Variants in ZNF681 observed in about 807,000 individuals in gnomAD.
ZNF681 encodes hypothetical protein FLJ31526.
ZNF681 carries 37 observed loss-of-function variants against 56.0 expected under a neutral mutation model. That is an observed-to-expected ratio of 0.66 (90% CI 0.51 to 0.87). The LOEUF (loss-of-function observed/expected upper bound fraction) is 0.87, where lower values mean the gene tolerates loss of function less well. ZNF681 is among the 40% of genes least tolerant of loss of function. The pLI is 0.00. For missense variants in ZNF681, 741 were observed against 744.9 expected, an observed-to-expected ratio of 0.99 and a Z score of 0.06; for synonymous variants, 225 against 248.6, an observed-to-expected ratio of 0.91 and a Z score of 0.89.
rs572362306 is a variant in ZNF681, at chr19:23,744,453, T to G, written c.1097A>C (p.Tyr366Ser). Residue 366 changes from tyrosine to serine, a missense_variant, in exon 4 of 4, where the codon TAC (tyrosine) becomes TCC (serine). Coordinates refer to ENST00000402377, the MANE Select transcript of ZNF681 (RefSeq NM_138286.3). Reference sequence around the variant, plus strand: ...GGCTTTGCCACATTCTTCACATCTGTAGGGCTTCTCTCCAGTATGAATTAT... The same window carrying G: ...GGCTTTGCCACATTCTTCACATCTGGAGGGCTTCTCTCCAGTATGAATTAT... Reference protein sequence around the residue: ...HKIIHTGEKPYRCEECGKAFR... With the variant: ...HKIIHTGEKPSRCEECGKAFR... 11 of 1,578,344 alleles carry G rather than the reference T, an allele frequency of 7.0e-6. No homozygotes were observed. The Admixed American group carries it at 1.6e-4, about 23-fold the overall frequency.
At chr19:23,745,727 A>G (rs1291644901) in intron 3 of ZNF681, among the ~76,000 whole-genome samples, 1 of 152,152 alleles carries the variant, frequency 6.6e-6, no homozygotes, top group Non-Finnish European at 1.5e-5. Flanking sequence ...CTGGGATTAC[A>G]GGCATGAGCC....
At chr19:23,751,611 G>A (rs979630686) in intron 3 of ZNF681, among the ~76,000 whole-genome samples, 3 of 151,738 alleles carry the variant, frequency 2.0e-5, no homozygotes, top group South Asian at 2.1e-4. Flanking sequence ...GAAATGGAGT[G>A]TAATCATAAA....
chr19:23,744,539 G>A lies in ZNF681; in HGVS notation c.1011C>T (p.Pro337=), dbSNP rs1424356301. The A allele has an allele frequency of 1.2e-6, 2 of 1,612,930 alleles. No homozygotes were observed. The highest frequency in any genetic ancestry group is 2.2e-5 in the South Asian group (2 of 90,968). The change falls in exon 4 of 4, where the codon CCC becomes CCT. Residue 337 remains proline (P), a synonymous_variant. Transcript: ENST00000402377. ...RHKIIHTGEK[P]YKCEECGKAF... Reference sequence around the variant, plus strand: ...CTTTGCCACATTCTTCACATTTGTAGGGTTTCTCTCCAGTATGAATTATCT... The same window carrying A: ...CTTTGCCACATTCTTCACATTTGTAAGGTTTCTCTCCAGTATGAATTATCT...
At position 23,740,677 on chromosome 19, in the gene ZNF681, T is replaced by C. The variant is rs957720661; in HGVS notation, c.*2935A>G. On this transcript the variant is annotated 3_prime_UTR_variant, in exon 4 of 4. Coordinates refer to ENST00000402377, the MANE Select transcript of ZNF681 (RefSeq NM_138286.3). ...TACTCACCTAAATAAATGGGCTCAATCAATATTTACTTATTTTCATTATAA... is the reference window on the plus strand; with the variant it reads ...TACTCACCTAAATAAATGGGCTCAACCAATATTTACTTATTTTCATTATAA... 6.6e-6 allele frequency: 1 copy of C among 152,056 alleles called. No individual in the cohort carries two copies. Among genetic ancestry groups the C allele is most frequent in the Non-Finnish European group, 1.5e-5 (1 of 68,010 alleles). The allele number at this position is 152,056 out of a possible 1,614,324, so 9.4% of individuals were successfully genotyped here. A position where few individuals can be genotyped will look rare whatever the true frequency, so the allele number is the denominator to read the frequency against.
intron 3 of ZNF681, among the ~76,000 whole-genome samples, chr19:23,748,591 C>T (rs1169239251): frequency 6.6e-6 from 1 of 152,080 alleles, no homozygotes; most frequent in Non-Finnish European, 1.5e-5. Context: ...GCCCCCTGAC[C>T]CCTTCTTCCA....
chr19:23,758,822 C>A lies in ZNF681; in HGVS notation c.-73G>T, dbSNP rs910841174. On this transcript the variant is annotated 5_prime_UTR_variant, in exon 1 of 4. Transcript: ENST00000402377. The stretch of plus-strand genomic sequence containing the variant: ...CCTGCAGGTCAGAGGGCCATAGAGG[C>A]TGGGCCTCTAGAAGAAGAGGACACA... 7 of 1,603,372 alleles carry A rather than the reference C, an allele frequency of 4.4e-6. No homozygotes were observed. The highest frequency in any genetic ancestry group is 6.0e-6 in the Non-Finnish European group (7 of 1,171,856).
chr19:23,746,577 C>T (rs978199905), intron 3 of ZNF681, among the ~76,000 whole-genome samples: 1 of 152,008 alleles, frequency 6.6e-6, no homozygotes, highest in African/African-American at 2.4e-5. Flanking sequence ...TTTTGATTAC[C>T]AAGAGGGTGA....
At chr19:23,753,478 A>G (rs897212579) in intron 3 of ZNF681, among the ~76,000 whole-genome samples, 1 of 152,310 alleles carries the variant, frequency 6.6e-6, no homozygotes, top group Non-Finnish European at 1.5e-5. Context: ...AATCTTTACA[A>G]TGAAAGATAT....
Position 23,750,347 on chromosome 19 carries a change from C to A in ZNF681, c.226+4476G>T, listed in dbSNP as rs576970387. ...AGAATATATACAAGATAAGTCATAA[C>A]CAAAGCTGTGGTTATATTTACAGAT... On this transcript the variant is annotated intron_variant, in intron 3 of 3. Coordinates refer to ENST00000402377, the MANE Select transcript of ZNF681 (RefSeq NM_138286.3). Among the ~76,000 whole-genome samples, 5 of 149,166 alleles carry A rather than the reference C, an allele frequency of 3.4e-5. No homozygotes were observed. The South Asian group carries it at 1.1e-3, about 32-fold the overall frequency.
chr19:23,757,407 C>T (rs895677246), intron 1 of ZNF681, among the ~76,000 whole-genome samples: 3 of 151,386 alleles, frequency 2.0e-5, no homozygotes, highest in African/African-American at 4.9e-5. Flanking sequence ...AAAGTATACA[C>T]AATAAAAGCT....
intron 1 of ZNF681, among the ~76,000 whole-genome samples, chr19:23,756,197 C>T (rs1447771558): frequency 1.3e-5 from 2 of 151,690 alleles, no homozygotes; most frequent in African/African-American, 2.4e-5. Flanking sequence ...TAGTGGTGGG[C>T]ACCTGTAGTC....
chr19:23,756,878 ATTTTT>A (rs775846509), intron 1 of ZNF681, among the ~76,000 whole-genome samples: 1 of 149,840 alleles, frequency 6.7e-6, no homozygotes, highest in Non-Finnish European at 1.5e-5. Flanking sequence ...ACAAAAATTT[ATTTTT>A]TTTTTGAGTT....
Position 23,754,913 on chromosome 19 carries a change from C to G in ZNF681, c.136G>C (p.Val46Leu), listed in dbSNP as rs1371655387. The part of the protein sequence containing the change: ...NYRNLVFLGI[V>L]VSKPDLITCL... ...GTGATCAGGTCTGGCTTAGAGACAA[C>G]AATACCTGTTTTATTGAAAGTAAAT... The change falls in exon 3 of 4, where the codon GTT becomes CTT. Residue 46 changes from valine (V) to leucine (L), a missense_variant. Coordinates refer to ENST00000402377, the MANE Select transcript of ZNF681 (RefSeq NM_138286.3). The G allele has an allele frequency of 1.2e-6, 2 of 1,611,276 alleles. No individual in the cohort carries two copies. The highest frequency in any genetic ancestry group is 4.5e-5 in the East Asian group (2 of 44,838).
rs1968890097 is a variant in ZNF681, at chr19:23,742,932, A to G, written c.*680T>C. 6.6e-6 allele frequency: 1 copy of G among 152,184 alleles called. No homozygotes were observed. Among genetic ancestry groups the G allele is most frequent in the Non-Finnish European group, 1.5e-5 (1 of 68,020 alleles). The allele number at this position is 152,184 out of a possible 1,614,324, so 9.4% of individuals were successfully genotyped here. A position where few individuals can be genotyped will look rare whatever the true frequency, so the allele number is the denominator to read the frequency against. On this transcript the variant is annotated 3_prime_UTR_variant, in exon 4 of 4. Transcript: ENST00000402377. ...ATTCATTTACCAACTTTAGTTTTAG[A>G]TTCTTTTCTATACTCAGCAATCTGA... is the stretch of plus-strand genomic sequence containing the variant.
intron 1 of ZNF681, 65 bp downstream of exon 1, chr19:23,758,682 G>C (rs2144859223): frequency 2.5e-6 from 4 of 1,613,324 alleles, no homozygotes; most frequent in Admixed American, 1.7e-5. Context: ...AGCTGACTGC[G>C]GCGAGGTCTG....
chr19:23,753,903 T>C (rs1327309239), intron 3 of ZNF681, among the ~76,000 whole-genome samples: 2 of 149,562 alleles, frequency 1.3e-5, no homozygotes, highest in Non-Finnish European at 3.0e-5. Context: ...AAATGATCTA[T>C]AGATTCAATA....
In ZNF681 at chr19:23,758,778, T is replaced by C. The variant is rs374503649; in HGVS notation, c.-29A>G. ...TAGGTTTCCGGGGGACCTGGCGTCT[T>C]AGCTATGGATCGCCAATACCTGCAG... is the stretch of plus-strand genomic sequence containing the variant. On this transcript the variant is annotated 5_prime_UTR_variant, in exon 1 of 4. Transcript: ENST00000402377. 2 of 1,614,140 alleles carry C rather than the reference T, an allele frequency of 1.2e-6. No homozygotes were observed. Among genetic ancestry groups the C allele is most frequent in the Non-Finnish European group, 1.7e-6 (2 of 1,180,010 alleles).
At chr19:23,755,624 A>G (rs1391708202) in intron 1 of ZNF681, 73 bp from the exon 2 acceptor site, 8 of 1,374,902 alleles carry the variant, frequency 5.8e-6, no homozygotes, top group Non-Finnish European at 6.7e-6. Context: ...GTGGCCATGG[A>G]AAGAATTTAT....
At position 23,739,921 on chromosome 19, in the gene ZNF681, T is replaced by C. The variant is rs570037350; in HGVS notation, c.*3691A>G. ...TTCAAAATCACAGAGGTCATTTTACTATTTTGCAATGTTTAATGTTCACAC... is the reference window on the plus strand; with the variant it reads ...TTCAAAATCACAGAGGTCATTTTACCATTTTGCAATGTTTAATGTTCACAC... On this transcript the variant is annotated 3_prime_UTR_variant, in exon 4 of 4. Coordinates refer to ENST00000402377, the MANE Select transcript of ZNF681 (RefSeq NM_138286.3). The C allele has an allele frequency of 3.9e-5, 6 of 152,308 alleles. No individual in the cohort carries two copies. Among genetic ancestry groups the C allele is most frequent in the African/African-American group, 1.4e-4 (6 of 41,560 alleles). The allele number at this position is 152,308 out of a possible 1,614,324, so 9.4% of individuals were successfully genotyped here. A position where few individuals can be genotyped will look rare whatever the true frequency, so the allele number is the denominator to read the frequency against.
Sources: gnomAD v4.1 joint callset for allele counts (sites outside exome capture counted in the v4.1 genomes callset) on GRCh38, gnomAD v4.1.1 for gene constraint, MANE v1.5 for transcripts, NCBI Gene and HGNC (gene_info 2026-07-23, HGNC 2026-07-21) for gene names.